The following PPP1R12B variants were observed in gnomAD, a reference collection of about 807,000 sequenced individuals.
PPP1R12B encodes the protein myosin phosphatase target subunit 2.
In PPP1R12B, 76 loss-of-function variants were observed where a neutral mutation model predicts 126.1. The observed-to-expected ratio is 0.60, with a 90% CI of 0.50 to 0.73. The LOEUF (loss-of-function observed/expected upper bound fraction) is 0.73. PPP1R12B is among the 30% of genes least tolerant of loss of function. The pLI is 0.00. For synonymous variants in PPP1R12B, 356 were observed against 434.7 expected, an observed-to-expected ratio of 0.82 and a Z score of 2.25; for missense variants, 1,052 against 1,205.1, an observed-to-expected ratio of 0.87 and a Z score of 1.88.
In PPP1R12B at chr1:202,537,353, C is replaced by CA. The variant is rs570737869; in HGVS notation, c.2491-21510dup. 5.1e-3 allele frequency among the ~76,000 whole-genome samples: 509 copies of CA among 99,814 alleles called. 2 individuals carry two copies. The highest frequency in any genetic ancestry group is 0.013 in the African/African-American group (357 of 26,912). 65.5% of individuals were successfully genotyped at this position (99,814 alleles called of 152,430 possible). The stretch of plus-strand genomic sequence containing the variant: ...TGGGCGACAGACTGAGACTCCGTCT[C>CA]AAAAAAAAAAAAAAGAAAAAGTAAA... On this transcript the variant is annotated intron_variant, in intron 18 of 23. Transcript: ENST00000608999.
At chr1:202,466,204 A>C (rs1458108055) in intron 13 of PPP1R12B, among the ~76,000 whole-genome samples, 1 of 152,034 alleles carries the variant, frequency 6.6e-6, no homozygotes, top group Non-Finnish European at 1.5e-5. Flanking sequence ...CCTTCTATTC[A>C]TTGTTCAACA....
chr1:202,524,123 C>CA (rs1424671081), intron 18 of PPP1R12B, among the ~76,000 whole-genome samples: 1 of 152,158 alleles, frequency 6.6e-6, no homozygotes, highest in African/African-American at 2.4e-5. Context: ...GAAATGATGA[C>CA]AGGGGCTTGG....
At position 202,587,233 on chromosome 1, in the gene PPP1R12B, C is replaced by A. The variant is rs1689871373; in HGVS notation, c.*6673C>A. On this transcript the variant is annotated 3_prime_UTR_variant, in exon 24 of 24. Coordinates refer to ENST00000608999, the MANE Select transcript of PPP1R12B (RefSeq NM_002481.4). Reference sequence around the variant, plus strand: ...GCATACACTTCACTCCTCTCCCTTTCATCTCCCTCTGCATTCTTAATTCCT... The same window carrying A: ...GCATACACTTCACTCCTCTCCCTTTAATCTCCCTCTGCATTCTTAATTCCT... 6.6e-6 allele frequency: 1 copy of A among 152,188 alleles called. No homozygotes were observed. The highest frequency in any genetic ancestry group is 2.4e-5 in the African/African-American group (1 of 41,434). The allele number at this position is 152,188 out of a possible 1,614,324, so 9.4% of individuals were successfully genotyped here. A position where few individuals can be genotyped will look rare whatever the true frequency, so the allele number is the denominator to read the frequency against.
chr1:202,399,189 A>G (rs1013286614), intron 1 of PPP1R12B, among the ~76,000 whole-genome samples: 1 of 152,178 alleles, frequency 6.6e-6, no homozygotes, highest in East Asian at 1.9e-4. Context: ...AATTATTTTC[A>G]TATTTAATTA....
intron 18 of PPP1R12B, among the ~76,000 whole-genome samples, chr1:202,500,665 A>G (rs1680127743): frequency 6.6e-6 from 1 of 152,198 alleles, no homozygotes; most frequent in African/African-American, 2.4e-5. Context: ...TATAGCACTA[A>G]AGGGTGAATA....
intron 1 of PPP1R12B, among the ~76,000 whole-genome samples, chr1:202,364,440 A>T (rs543785872): frequency 5.9e-5 from 9 of 152,274 alleles, no homozygotes; most frequent in Non-Finnish European, 1.0e-4. Context: ...AAGCAACATG[A>T]TAACATTGCA....
intron 13 of PPP1R12B, among the ~76,000 whole-genome samples, chr1:202,470,460 A>T (rs1468230326): frequency 6.6e-6 from 1 of 152,248 alleles, no homozygotes; most frequent in African/African-American, 2.4e-5. Context: ...ACTTTTAAAA[A>T]GTTTACAAAA....
intron 21 of PPP1R12B, 135 bp from the exon 22 acceptor site, chr1:202,567,643 G>T: frequency 2.4e-6 from 2 of 822,632 alleles, no homozygotes; most frequent in Non-Finnish European, 1.9e-6. Flanking sequence ...GTTTGCTGGG[G>T]ATCCCTGCTA....
intron 7 of PPP1R12B, among the ~76,000 whole-genome samples, chr1:202,431,094 C>G (rs552979771): frequency 2.0e-5 from 3 of 152,210 alleles, no homozygotes; most frequent in Non-Finnish European, 4.4e-5. Context: ...ACTTTTGCCT[C>G]TACTTACTGT....
At chr1:202,384,899 C>G (rs1056614342) in intron 1 of PPP1R12B, among the ~76,000 whole-genome samples, 3 of 152,208 alleles carry the variant, frequency 2.0e-5, no homozygotes, top group Admixed American at 6.5e-5. Context: ...GTGTACACTT[C>G]CTCCAACTGT....
In PPP1R12B at chr1:202,362,611, G is replaced by A. The variant is rs113296736; in HGVS notation, c.291+13469G>A. On this transcript the variant is annotated intron_variant, in intron 1 of 23. Coordinates refer to ENST00000608999, the MANE Select transcript of PPP1R12B (RefSeq NM_002481.4). ...GGAGACTGCCTTGCTTCAGCTCTGT[G>A]TGTGCTATAGCCAGTTCATGACAGA... Among the ~76,000 whole-genome samples, 1,488 of 149,570 alleles carry A rather than the reference G, an allele frequency of 9.9e-3. 25 individuals are homozygous for A. Among genetic ancestry groups the A allele is most frequent in the African/African-American group, 0.034 (1,402 of 40,990 alleles).
At chr1:202,518,577 T>C (rs1682412522) in intron 18 of PPP1R12B, among the ~76,000 whole-genome samples, 1 of 152,230 alleles carries the variant, frequency 6.6e-6, no homozygotes, top group Non-Finnish European at 1.5e-5. Context: ...TGTCATCTGA[T>C]TACAACCATA....
intron 23 of PPP1R12B, chr1:202,576,210 A>G (rs1034207595): frequency 1.1e-4 from 17 of 152,172 alleles, no homozygotes; most frequent in African/African-American, 4.1e-4. Context: ...TTTATTTTCA[A>G]CTGAGAACCA....
At chr1:202,429,498 G>A (rs1669945497) in intron 6 of PPP1R12B, among the ~76,000 whole-genome samples, 1 of 152,054 alleles carries the variant, frequency 6.6e-6, no homozygotes, top group South Asian at 2.1e-4. Flanking sequence ...ATCTTTTATT[G>A]TTTGGTCATG....
chr1:202,353,629 T>TGTGTGA (rs540599307), intron 1 of PPP1R12B, among the ~76,000 whole-genome samples: 21,435 of 136,872 alleles, frequency 0.16, 1,998 homozygotes, highest in Non-Finnish European at 0.22. Context: ...TGTGTGTGTG[T>TGTGTGA]GACAGGGTCT....
intron 9 of PPP1R12B, among the ~76,000 whole-genome samples, chr1:202,436,432 T>G (rs1670826870): frequency 6.6e-6 from 1 of 152,224 alleles, no homozygotes; most frequent in South Asian, 2.1e-4. Flanking sequence ...TTCAGATGAC[T>G]GATGAAAAGA....
chr1:202,555,878 CTT>C (rs1417678339), intron 18 of PPP1R12B, among the ~76,000 whole-genome samples: 13 of 142,160 alleles, frequency 9.1e-5, no homozygotes, highest in Admixed American at 7.1e-5. Flanking sequence ...ATATAATATT[CTT>C]TTTTTTTTTT....
At chr1:202,410,596 T>C (rs562253972) in intron 1 of PPP1R12B, among the ~76,000 whole-genome samples, 3 of 152,330 alleles carry the variant, frequency 2.0e-5, no homozygotes, top group African/African-American at 4.8e-5. Context: ...CTGGCACTGA[T>C]TGATATCAGC....
chr1:202,509,582 G>A (rs577739954), intron 18 of PPP1R12B, among the ~76,000 whole-genome samples: 4 of 152,266 alleles, frequency 2.6e-5, no homozygotes, highest in South Asian at 4.1e-4. Flanking sequence ...GATTATGACC[G>A]TAAGTAAATT....
Sources: gnomAD v4.1 joint callset for allele counts (sites outside exome capture counted in the v4.1 genomes callset) on GRCh38, gnomAD v4.1.1 for gene constraint, MANE v1.5 for transcripts, NCBI Gene and HGNC (gene_info 2026-07-23, HGNC 2026-07-21) for gene names.